SCAPER: variants seen among roughly 807,000 people sequenced by gnomAD.
SCAPER encodes S phase cyclin A-associated protein in the endoplasmic reticulum.
A neutral mutation model predicts 182.2 loss-of-function variants in SCAPER; 98 were observed. The observed-to-expected ratio is 0.54, with a 90% CI of 0.46 to 0.64. The LOEUF (loss-of-function observed/expected upper bound fraction) is 0.64, where lower values mean the gene tolerates loss of function less well. Ranked by LOEUF, SCAPER falls within the 30% of genes least tolerant of loss-of-function variation. The pLI, the probability that SCAPER is intolerant of heterozygous loss-of-function variation, is 0.00. For synonymous variants in SCAPER, 605 were observed against 564.6 expected (o/e 1.07, Z -1.01); for missense variants, 1,432 against 1,690.0 (o/e 0.85, Z 2.68).
At chr15:76,541,746 T>C (rs1475001624) in intron 23 of SCAPER, among the ~76,000 whole-genome samples, 1 of 152,182 alleles carries the variant, frequency 6.6e-6, no homozygotes, top group Non-Finnish European at 1.5e-5. Context: ...AAAAAAATAC[T>C]CCAATGAGGG....
chr15:76,786,428 C>A (rs559305307), intron 8 of SCAPER, among the ~76,000 whole-genome samples: 4 of 151,738 alleles, frequency 2.6e-5, no homozygotes, highest in South Asian at 4.2e-4. Context: ...AAAAGCATTT[C>A]ACAAAATCCA....
chr15:76,479,778 AAAAC>A (rs1250781017), intron 24 of SCAPER, among the ~76,000 whole-genome samples: 1 of 152,220 alleles, frequency 6.6e-6, no homozygotes. Flanking sequence ...GACTTAAAAA[AAAAC>A]ACACACTGTT....
chr15:76,614,012 A>G (rs2051228394), intron 22 of SCAPER, among the ~76,000 whole-genome samples: 1 of 152,208 alleles, frequency 6.6e-6, no homozygotes, highest in Non-Finnish European at 1.5e-5. Flanking sequence ...CCCACAAATG[A>G]TAGACTGGAT....
chr15:76,393,385 C>A (rs745645442), intron 27 of SCAPER, among the ~76,000 whole-genome samples: 1 of 152,198 alleles, frequency 6.6e-6, no homozygotes, highest in South Asian at 2.1e-4. Context: ...CTGTTACATT[C>A]ACTTCATTGC....
intron 23 of SCAPER, among the ~76,000 whole-genome samples, chr15:76,507,185 G>C (rs189452289): frequency 2.6e-4 from 39 of 152,236 alleles, no homozygotes; most frequent in African/African-American, 8.2e-4. Flanking sequence ...AGTAGGCTCT[G>C]GTCCAATATG....
At chr15:76,585,616 T>G (rs2048593124) in intron 22 of SCAPER, among the ~76,000 whole-genome samples, 1 of 152,208 alleles carries the variant, frequency 6.6e-6, no homozygotes, top group Non-Finnish European at 1.5e-5. Flanking sequence ...ACAAGGACCA[T>G]TTTAATTCAC....
chr15:76,583,475 G>A (rs781320240), intron 22 of SCAPER, among the ~76,000 whole-genome samples: 4 of 152,066 alleles, frequency 2.6e-5, no homozygotes, highest in Non-Finnish European at 5.9e-5. Context: ...TCAATAAAGT[G>A]AAGAAACAAC....
rs760374098 is a variant in SCAPER, at chr15:76,595,255, G to A, written c.2712-20971C>T. ...GAAGGGCATTACATAATGGTAAAGG[G>A]ATCAATGCAACAAGAAGAGTTAACT... On this transcript the variant is annotated intron_variant, in intron 22 of 31. Transcript: ENST00000563290. 4.1e-5 allele frequency among the ~76,000 whole-genome samples: 5 copies of A among 121,512 alleles called. 1 individual carries two copies. Among genetic ancestry groups the A allele is most frequent in the Non-Finnish European group, 1.0e-4 (5 of 50,042 alleles). The allele number at this position is 121,512 out of a possible 152,430, so 79.7% of individuals were successfully genotyped here.
intron 17 of SCAPER, among the ~76,000 whole-genome samples, chr15:76,711,431 C>G (rs2059557922): frequency 6.6e-6 from 1 of 152,140 alleles, no homozygotes; most frequent in South Asian, 2.1e-4. Context: ...ACATGTTCAA[C>G]AGCACCAGTC....
rs114018101 is a variant in SCAPER at position 76,675,550 on chromosome 15, G to T, written c.2509-9761C>A. ...TAACTGGCAATTACAGAATGATGCA[G>T]AAGCTGAACCTTCTAAGTAACAATG... On this transcript the variant is annotated intron_variant, in intron 20 of 31. Coordinates refer to ENST00000563290, the MANE Select transcript of SCAPER (RefSeq NM_020843.4). 1.5e-3 allele frequency among the ~76,000 whole-genome samples: 226 copies of T among 152,324 alleles called. 2 individuals carry two copies. Among genetic ancestry groups the T allele is most frequent in the African/African-American group, 5.3e-3 (220 of 41,578 alleles).
intron 21 of SCAPER, among the ~76,000 whole-genome samples, chr15:76,644,206 G>T (rs1156742176): frequency 6.6e-6 from 1 of 152,006 alleles, no homozygotes; most frequent in African/African-American, 2.4e-5. Context: ...AGGCTACATG[G>T]AATTTAATAT....
intron 24 of SCAPER, among the ~76,000 whole-genome samples, chr15:76,474,787 G>A (rs1216763469): frequency 1.3e-5 from 2 of 152,162 alleles, no homozygotes; most frequent in Non-Finnish European, 2.9e-5. Flanking sequence ...ATTAAAGCAT[G>A]CTACAGATGC....
At chr15:76,418,571 G>T (rs2045814668) in intron 26 of SCAPER, among the ~76,000 whole-genome samples, 1 of 152,210 alleles carries the variant, frequency 6.6e-6, no homozygotes, top group Admixed American at 6.5e-5. Context: ...TGCCCTGGGG[G>T]CCAGTAGCAA....
chr15:76,891,664 A>G (rs570227324), intron 1 of SCAPER, among the ~76,000 whole-genome samples: 1 of 152,342 alleles, frequency 6.6e-6, no homozygotes, highest in African/African-American at 2.4e-5. Flanking sequence ...AAAATAAAAG[A>G]GGACACAAAC....
At chr15:76,808,957 T>C (rs2066393289) in intron 5 of SCAPER, among the ~76,000 whole-genome samples, 1 of 152,126 alleles carries the variant, frequency 6.6e-6, no homozygotes. Flanking sequence ...GGAACACATA[T>C]TTAATACCTC....
chr15:76,368,368 C>T (rs2141818415), intron 29 of SCAPER, among the ~76,000 whole-genome samples: 1 of 152,378 alleles, frequency 6.6e-6, no homozygotes, highest in South Asian at 2.1e-4. Flanking sequence ...TAGGAAACCA[C>T]TCCTTATTTC....
chr15:76,424,498 G>A (rs913042136), intron 26 of SCAPER, among the ~76,000 whole-genome samples: 1 of 151,810 alleles, frequency 6.6e-6, no homozygotes. Flanking sequence ...CCTTTATTTT[G>A]AGCCTATGTG....
chr15:76,703,099 A>G (rs2059052339), intron 18 of SCAPER, 97 bp from the exon 19 acceptor site: 2 of 1,345,202 alleles, frequency 1.5e-6, no homozygotes, highest in Admixed American at 2.5e-5. Flanking sequence ...CAAAAATAAT[A>G]GAATGTCGTT....
intron 20 of SCAPER, among the ~76,000 whole-genome samples, chr15:76,683,605 A>G (rs1598140323): frequency 6.6e-6 from 1 of 152,118 alleles, no homozygotes; most frequent in African/African-American, 2.4e-5. Flanking sequence ...ACACAGAGTC[A>G]TCAGGTTTCC....
Sources: allele counts gnomAD v4.1 joint callset (sites outside exome capture counted in the v4.1 genomes callset), GRCh38; gene constraint gnomAD v4.1.1; transcripts MANE v1.5; gene names NCBI Gene and HGNC (gene_info 2026-07-23, HGNC 2026-07-21).